Variants in SPIDR observed in about 807,000 individuals in gnomAD.
SPIDR encodes DNA repair-scaffolding protein.
A neutral mutation model predicts 104.6 loss-of-function variants in SPIDR; 93 were observed. The observed-to-expected ratio is 0.89, with a 90% CI of 0.75 to 1.06. The LOEUF (loss-of-function observed/expected upper bound fraction) is 1.06. SPIDR is among the 50% of genes least tolerant of loss of function. SPIDR has a pLI of 0.00. For synonymous variants in SPIDR, 431 were observed against 416.9 expected (o/e 1.03, Z -0.41); for missense variants, 1,154 against 1,111.2 (o/e 1.04, Z -0.55).
intron 7 of SPIDR, chr8:47,419,062 T>A (rs1207445266): frequency 6.6e-6 from 1 of 152,200 alleles, no homozygotes; most frequent in Non-Finnish European, 1.5e-5. Context: ...TCCTCAGGGA[T>A]ATTGGTCTAA....
chr8:47,649,323 A>AT (rs1343062700), intron 10 of SPIDR, among the ~76,000 whole-genome samples: 1 of 152,154 alleles, frequency 6.6e-6, no homozygotes, highest in Non-Finnish European at 1.5e-5. Context: ...TACCAATGAT[A>AT]GATCAACTGA....
At chr8:47,559,960 A>G (rs978613061) in intron 8 of SPIDR, among the ~76,000 whole-genome samples, 1 of 152,222 alleles carries the variant, frequency 6.6e-6, no homozygotes, top group East Asian at 1.9e-4. Flanking sequence ...GTTTAAAGTG[A>G]AATTCTTATT....
intron 10 of SPIDR, among the ~76,000 whole-genome samples, chr8:47,640,613 G>A (rs1046733161): frequency 6.6e-6 from 1 of 152,130 alleles, no homozygotes; most frequent in Admixed American, 6.6e-5. Flanking sequence ...TTGGTAGTAA[G>A]TATGAAAAGT....
intron 8 of SPIDR, among the ~76,000 whole-genome samples, chr8:47,564,130 G>C (rs1587812633): frequency 7.3e-6 from 1 of 136,554 alleles, no homozygotes; most frequent in African/African-American, 2.8e-5. Flanking sequence ...CCAGGCTGGA[G>C]TGCAGTGGCA....
chr8:47,581,156 T>G (rs1347882855), intron 8 of SPIDR, among the ~76,000 whole-genome samples: 1 of 152,168 alleles, frequency 6.6e-6, no homozygotes, highest in East Asian at 1.9e-4. Flanking sequence ...AAGGCCATAT[T>G]CTTTCTATTG....
At chr8:47,445,738 C>A (rs782363427) in intron 8 of SPIDR, among the ~76,000 whole-genome samples, 14 of 152,164 alleles carry the variant, frequency 9.2e-5, no homozygotes, top group South Asian at 2.1e-4. Flanking sequence ...CCAGTGAGCA[C>A]ACAAATATTG....
chr8:47,652,355 A>C (rs2071810736), intron 10 of SPIDR, among the ~76,000 whole-genome samples: 1 of 152,166 alleles, frequency 6.6e-6, no homozygotes, highest in African/African-American at 2.4e-5. Flanking sequence ...TGCAAAGCAA[A>C]GTCCTAGAGG....
At chr8:47,455,919 A>G (rs1468695642) in intron 8 of SPIDR, among the ~76,000 whole-genome samples, 1 of 152,202 alleles carries the variant, frequency 6.6e-6, no homozygotes, top group Admixed American at 6.6e-5. Context: ...AGACTTTAAT[A>G]CCCACTTTCA....
chr8:47,657,713 T>A (rs2073103546), intron 10 of SPIDR, among the ~76,000 whole-genome samples: 1 of 152,100 alleles, frequency 6.6e-6, no homozygotes, highest in Admixed American at 6.6e-5. Context: ...GACTCTACAA[T>A]TAACTCAATA....
At chr8:47,663,626 A>G (rs537636199) in intron 10 of SPIDR, among the ~76,000 whole-genome samples, 69 of 152,200 alleles carry the variant, frequency 4.5e-4, no homozygotes, top group Non-Finnish European at 8.2e-4. Flanking sequence ...TGGCTTGGCA[A>G]TTTTGTACTT....
chr8:47,320,601 G>A (rs1353246828), intron 5 of SPIDR, among the ~76,000 whole-genome samples: 20 of 152,152 alleles, frequency 1.3e-4, no homozygotes, highest in Non-Finnish European at 2.1e-4. Context: ...ATTTTATGAG[G>A]CCAGCATCAG....
chr8:47,284,607 G>C (rs2038453158), intron 3 of SPIDR, among the ~76,000 whole-genome samples: 3 of 152,184 alleles, frequency 2.0e-5, no homozygotes, highest in Non-Finnish European at 1.5e-5. Context: ...CACAGGGCTA[G>C]ATTCTTTCTG....
chr8:47,291,376 A>G (rs1408656504), intron 4 of SPIDR, among the ~76,000 whole-genome samples: 3 of 152,210 alleles, frequency 2.0e-5, no homozygotes, highest in Non-Finnish European at 2.9e-5. Flanking sequence ...GTTGTGGAGA[A>G]ACTGGATCAC....
intron 10 of SPIDR, among the ~76,000 whole-genome samples, chr8:47,653,129 C>T (rs935171090): frequency 6.6e-6 from 1 of 152,160 alleles, no homozygotes; most frequent in Non-Finnish European, 1.5e-5. Context: ...AATGGAGCCT[C>T]AGGGTTTACA....
At chr8:47,571,829 G>A (rs1399485612) in intron 8 of SPIDR, among the ~76,000 whole-genome samples, 1 of 152,186 alleles carries the variant, frequency 6.6e-6, no homozygotes, top group Non-Finnish European at 1.5e-5. Context: ...AAAATTATGT[G>A]AATGTGGTCT....
At chr8:47,727,933 A>G (rs1589587124) in intron 17 of SPIDR, among the ~76,000 whole-genome samples, 1 of 151,986 alleles carries the variant, frequency 6.6e-6, no homozygotes, top group African/African-American at 2.4e-5. Context: ...CCTGGCCAAC[A>G]TGGCAAAACC....
At chr8:47,277,885 A>T (rs2036875533) in intron 1 of SPIDR, among the ~76,000 whole-genome samples, 1 of 151,812 alleles carries the variant, frequency 6.6e-6, no homozygotes, top group Non-Finnish European at 1.5e-5. Flanking sequence ...CATGTTGGTC[A>T]GGCTGGTCTT....
At chr8:47,317,526 G>T (rs2045613835) in intron 5 of SPIDR, among the ~76,000 whole-genome samples, 1 of 152,138 alleles carries the variant, frequency 6.6e-6, no homozygotes, top group Non-Finnish European at 1.5e-5. Context: ...ACCTCTGGAG[G>T]CAGGGAATAA....
At position 47,261,008 on chromosome 8, in the gene SPIDR, G is replaced by C; in HGVS notation, c.33+17G>C. ...GGCTCTAAGGTAGGCTCTGGGGCGGGAGTGGGCGCCGCGCCGTTTCCCGCG... is the reference window on the plus strand; with the variant it reads ...GGCTCTAAGGTAGGCTCTGGGGCGGCAGTGGGCGCCGCGCCGTTTCCCGCG... On this transcript the variant is annotated intron_variant, in intron 1 of 19. Coordinates refer to ENST00000297423, the MANE Select transcript of SPIDR (RefSeq NM_001080394.4). The C allele has an allele frequency of 8.1e-7, 1 of 1,227,982 alleles. No homozygotes were observed. Among genetic ancestry groups the C allele is most frequent in the Non-Finnish European group, 1.0e-6 (1 of 985,328 alleles). The allele number at this position is 1,227,982 out of a possible 1,614,324, so 76.1% of individuals were successfully genotyped here.
Sources: gnomAD v4.1 joint callset for allele counts (sites outside exome capture counted in the v4.1 genomes callset) on GRCh38, gnomAD v4.1.1 for gene constraint, MANE v1.5 for transcripts, NCBI Gene and HGNC (gene_info 2026-07-23, HGNC 2026-07-21) for gene names.